GAB4: variants seen among roughly 807,000 people sequenced by gnomAD.
The protein encoded by GAB4 is GRB2 associated binding protein family member 4.
GAB4 carries 26 observed loss-of-function variants against 51.3 expected under a neutral mutation model. The ratio of observed to expected loss-of-function variants is 0.51; its 90% CI spans 0.37 to 0.70. GAB4 has a LOEUF of 0.70. GAB4 is among the 30% of genes least tolerant of loss of function. GAB4 has a pLI of 0.00. For synonymous variants in GAB4, 329 were observed against 291.2 expected (o/e 1.13, Z -1.32); for missense variants, 759 against 734.6 (o/e 1.03, Z -0.38).
chr22:17,007,033 G>A (rs1018105914), intron 1 of GAB4, among the ~76,000 whole-genome samples: 3 of 151,908 alleles, frequency 2.0e-5, no homozygotes, highest in Non-Finnish European at 4.4e-5. Context: ...AATGGAGAAA[G>A]ACAAGAACGC....
chr22:17,008,048 A>G lies in GAB4; in HGVS notation c.67T>C (p.Ser23Pro), dbSNP rs201010545. 7.8e-4 allele frequency: 1,251 copies of G among 1,608,866 alleles called. 5 individuals are homozygous for G. The African/African-American group carries it at 0.015, about 19-fold the overall frequency. Residue 23 changes from serine (S) to proline (P), a missense_variant, in exon 1 of 10, where the codon TCT becomes CCT. Ser to Pro is a moderately conservative substitution (Grantham distance 74). Around this residue, in one of 3 missense-constraint regions of GAB4, gnomAD observed 83 missense variants for 73.1 expected, o/e 1.14. Coordinates refer to ENST00000400588, the MANE Select transcript of GAB4 (RefSeq NM_001037814.1). Reference sequence around the variant, plus strand: ...GCGGGGCCACTTCCGGGCCACGAAGACAAAGGCGCAAATGCCGGGTCAGGT... The same window carrying G: ...GCGGGGCCACTTCCGGGCCACGAAGGCAAAGGCGCAAATGCCGGGTCAGGT... ...CPPDPAFAPL[S>P]SWPGSGPAGG... is the part of the protein sequence containing the mutation.
At chr22:17,007,241 A>G (rs1427527806) in intron 1 of GAB4, among the ~76,000 whole-genome samples, 1 of 152,262 alleles carries the variant, frequency 6.6e-6, no homozygotes, top group African/African-American at 2.4e-5. Flanking sequence ...GTTGAAATTT[A>G]GAACAACACT....
intron 2 of GAB4, 99 bp from the exon 3 acceptor site, chr22:16,988,266 C>T: frequency 1.3e-6 from 1 of 793,866 alleles, no homozygotes. Context: ...CACCAGCACT[C>T]TTCCTCTCAC....
chr22:16,969,843 T>C, intron 4 of GAB4, 100 bp downstream of exon 4: 7 of 1,379,898 alleles, frequency 5.1e-6, no homozygotes, highest in African/African-American at 2.8e-5. Flanking sequence ...AGGAATCTGG[T>C]GCACTGAGAG....
intron 3 of GAB4, among the ~76,000 whole-genome samples, chr22:16,975,225 C>T (rs1368790237): frequency 6.6e-6 from 1 of 152,308 alleles, no homozygotes; most frequent in East Asian, 1.9e-4. Flanking sequence ...CAGGGGATCC[C>T]ACCCCCATGG....
At chr22:16,998,552 C>T (rs879506153) in intron 1 of GAB4, among the ~76,000 whole-genome samples, 3 of 152,100 alleles carry the variant, frequency 2.0e-5, no homozygotes, top group Admixed American at 6.5e-5. Context: ...TGGGCTGAGA[C>T]GATGGGGTTT....
chr22:16,997,514 A>C (rs1439494353), intron 1 of GAB4, among the ~76,000 whole-genome samples: 1 of 152,030 alleles, frequency 6.6e-6, no homozygotes, highest in Non-Finnish European at 1.5e-5. Context: ...AAATTTGTTT[A>C]AGTTCTTTGT....
At chr22:16,964,942 C>G in intron 7 of GAB4, 80 bp from the exon 8 acceptor site, 2 of 1,102,370 alleles carry the variant, frequency 1.8e-6, no homozygotes, top group Non-Finnish European at 1.3e-6. Context: ...CAGCTGGGCC[C>G]TGACTTCAAG....
chr22:16,963,596 T>C, intron 9 of GAB4, 129 bp downstream of exon 9: 1 of 691,316 alleles, frequency 1.4e-6, no homozygotes. Flanking sequence ...CCACTGAGCA[T>C]AAGAGCCAGG....
Position 16,977,348 on chromosome 22 carries a change from C to CAAA in GAB4, c.687-7158_687-7156dup, listed in dbSNP as rs201592274. ...GAAGATTTACCAAGCAAATGGAAAGCAAAAAAAAAAAAAGCAGGGGTTGCA... is the reference window on the plus strand; with the variant it reads ...GAAGATTTACCAAGCAAATGGAAAGCAAAAAAAAAAAAAAAAGCAGGGGTTGCA... On this transcript the variant is annotated intron_variant, in intron 3 of 9. Coordinates refer to ENST00000400588, the MANE Select transcript of GAB4 (RefSeq NM_001037814.1). Among the ~76,000 whole-genome samples the CAAA allele has an allele frequency of 5.2e-4, 59 of 112,408 alleles. 1 individual carries two copies. The highest frequency in any genetic ancestry group is 4.7e-3 in the Middle Eastern group (1 of 212). 73.7% of individuals were successfully genotyped at this position (112,408 alleles called of 152,430 possible).
rs1392267252 is a variant in GAB4, at chr22:16,997,500, T to A, written c.175-5324A>T. Among the ~76,000 whole-genome samples the A allele has an allele frequency of 2.0e-5, 3 of 152,376 alleles. No individual in the cohort carries two copies. The East Asian group carries it at 5.8e-4, about 29-fold the overall frequency. ...ACTTTTTGATGGTGTTGATTTTTTC[T>A]TGTAAATTTGTTTAAGTTCTTTGTA... On this transcript the variant is annotated intron_variant, in intron 1 of 9. Coordinates refer to ENST00000400588, the MANE Select transcript of GAB4 (RefSeq NM_001037814.1).
intron 3 of GAB4, among the ~76,000 whole-genome samples, chr22:16,985,008 C>A (rs900193878): frequency 1.3e-5 from 2 of 152,218 alleles, no homozygotes; most frequent in Non-Finnish European, 2.9e-5. Context: ...CCAAGTTTTT[C>A]TCCAGTCCAC....
Position 16,963,766 on chromosome 22 carries a change from C to G in GAB4, c.1540G>C (p.Gly514Arg), listed in dbSNP as rs1363460649. Residue 514 changes from glycine (G) to arginine (R), a missense_variant, in exon 9 of 10, where the codon GGT (glycine) becomes CGT (arginine). Coordinates refer to ENST00000400588, the MANE Select transcript of GAB4 (RefSeq NM_001037814.1). ...TCCAGGGCCGCGTAGTGGATGTTAC[C>G]AGTGCTCCTCGGCGGGGCTGAACTG... is the stretch of plus-strand genomic sequence containing the variant. ...TSSSAPPRST[G>R]NIHYAALDFQ... 2.5e-6 allele frequency: 4 copies of G among 1,613,938 alleles called. No homozygotes were observed. The highest frequency in any genetic ancestry group is 3.4e-6 in the Non-Finnish European group (4 of 1,179,982).
At chr22:17,006,830 G>A (rs1302072227) in intron 1 of GAB4, among the ~76,000 whole-genome samples, 1 of 152,094 alleles carries the variant, frequency 6.6e-6, no homozygotes, top group Non-Finnish European at 1.5e-5. Context: ...GCACAGGGAC[G>A]GGAGCATTAC....
chr22:16,990,479 A>G (rs12160998), intron 2 of GAB4, among the ~76,000 whole-genome samples: 1,591 of 152,250 alleles, frequency 0.01, 27 homozygotes, highest in African/African-American at 0.036. Context: ...TGCCCTCCCA[A>G]TAAAGTCCAG....
intron 3 of GAB4, 86 bp from the exon 4 acceptor site, chr22:16,970,279 A>T: frequency 7.1e-7 from 1 of 1,412,968 alleles, no homozygotes; most frequent in Non-Finnish European, 9.8e-7. Context: ...TCACAGCCCA[A>T]TGTAGTGAGA....
chr22:16,968,751 T>C (rs2060704281), intron 4 of GAB4, among the ~76,000 whole-genome samples: 1 of 152,222 alleles, frequency 6.6e-6, no homozygotes, highest in Admixed American at 6.5e-5. Flanking sequence ...TACACATAAA[T>C]GTGAGCTCTG....
At chr22:16,968,000 T>C (rs1162656476) in intron 5 of GAB4, among the ~76,000 whole-genome samples, 6 of 152,146 alleles carry the variant, frequency 3.9e-5, no homozygotes, top group African/African-American at 1.4e-4. Flanking sequence ...GGGGACCTCA[T>C]GGGTTAGAGC....
intron 1 of GAB4, among the ~76,000 whole-genome samples, chr22:17,001,374 T>C (rs1243986794): frequency 6.6e-6 from 1 of 152,224 alleles, no homozygotes; most frequent in Admixed American, 6.5e-5. Flanking sequence ...CTCTTCTCGC[T>C]TCATTTCATT....
Sources: gnomAD v4.1 joint callset for allele counts (sites outside exome capture counted in the v4.1 genomes callset) on GRCh38, gnomAD v4.1.1 for gene constraint, gnomAD v4.1.1 regional missense constraint, MANE v1.5 for transcripts, NCBI Gene and HGNC (gene_info 2026-07-23, HGNC 2026-07-21) for gene names.